Variants in ARHGAP5 observed in about 807,000 individuals in gnomAD.
The protein encoded by ARHGAP5 is Rho GTPase activating protein 5, also known as rho GTPase-activating protein 5.
A neutral mutation model predicts 116.6 loss-of-function variants in ARHGAP5; 23 were observed. The ratio of observed to expected loss-of-function variants is 0.20; its 90% CI spans 0.14 to 0.28. The LOEUF is 0.28. ARHGAP5 is among the 10% of genes least tolerant of loss of function. The pLI is 1.00. For missense variants in ARHGAP5, 1,405 were observed against 1,774.8 expected, an observed-to-expected ratio of 0.79 and a Z score of 3.74; for synonymous variants, 574 against 602.0, an observed-to-expected ratio of 0.95 and a Z score of 0.68.
chr14:32,115,062 T>C (rs537308312), intron 2 of ARHGAP5, among the ~76,000 whole-genome samples: 3 of 152,324 alleles, frequency 2.0e-5, no homozygotes, highest in African/African-American at 7.2e-5. Context: ...AGTGGCCTAA[T>C]ATCCTCTGAA....
chr14:32,084,203 C>T (rs1384265504), intron 1 of ARHGAP5, among the ~76,000 whole-genome samples: 1 of 152,022 alleles, frequency 6.6e-6, no homozygotes, highest in Non-Finnish European at 1.5e-5. Context: ...TTTTTTCAAA[C>T]AAATTGAAAT....
intron 6 of ARHGAP5, among the ~76,000 whole-genome samples, chr14:32,153,042 GTTTTTT>G (rs1240719852): frequency 2.3e-5 from 2 of 86,946 alleles, no homozygotes; most frequent in Non-Finnish European, 5.0e-5. Context: ...GAACTGTATG[GTTTTTT>G]TTGTTTTTTT....
intron 1 of ARHGAP5, among the ~76,000 whole-genome samples, chr14:32,089,421 T>G (rs577010447): frequency 1.3e-5 from 2 of 151,848 alleles, no homozygotes; most frequent in Non-Finnish European, 2.9e-5. Flanking sequence ...TCCTATCTTA[T>G]GAAATTTGGA....
chr14:32,127,516 C>T (rs540820335), intron 3 of ARHGAP5, among the ~76,000 whole-genome samples: 1 of 152,200 alleles, frequency 6.6e-6, no homozygotes, highest in Non-Finnish European at 1.5e-5. Context: ...AACAGCATCC[C>T]AAGGCAGAAG....
At chr14:32,146,226 T>C in intron 3 of ARHGAP5, 37 bp from the exon 4 acceptor site, 1 of 1,439,828 alleles carries the variant, frequency 6.9e-7, no homozygotes, top group Non-Finnish European at 9.8e-7. Context: ...GATATATATG[T>C]GTTTATTAAA....
At chr14:32,149,816 A>T in intron 4 of ARHGAP5, 86 bp from the exon 5 acceptor site, 1 of 772,174 alleles carries the variant, frequency 1.3e-6, no homozygotes, top group Non-Finnish European at 1.8e-6. Context: ...ACTTAAAGTT[A>T]TCTTTTGATC....
intron 4 of ARHGAP5, among the ~76,000 whole-genome samples, chr14:32,147,098 C>T (rs1881412717): frequency 1.3e-5 from 2 of 152,056 alleles, no homozygotes; most frequent in African/African-American, 4.8e-5. Context: ...GTAAAAAAAG[C>T]CGAATTTTCT....
intron 6 of ARHGAP5, 71 bp downstream of exon 6, chr14:32,152,599 A>T (rs1160873979): frequency 1.2e-6 from 1 of 814,112 alleles, no homozygotes; most frequent in East Asian, 2.9e-5. Context: ...AAATTTTATA[A>T]ATTGGATAAT....
chr14:32,130,935 A>C (rs972131387), intron 3 of ARHGAP5, among the ~76,000 whole-genome samples: 3 of 152,168 alleles, frequency 2.0e-5, no homozygotes, highest in Non-Finnish European at 2.9e-5. Context: ...CACCGAGTAA[A>C]CTTTTTACCA....
chr14:32,085,864 A>G (rs977980183), intron 1 of ARHGAP5, among the ~76,000 whole-genome samples: 3 of 152,220 alleles, frequency 2.0e-5, no homozygotes, highest in Non-Finnish European at 2.9e-5. Context: ...TTAAGATGTC[A>G]TAAAATTAGA....
At chr14:32,078,908 T>C (rs2041743376) in intron 1 of ARHGAP5, among the ~76,000 whole-genome samples, 1 of 152,258 alleles carries the variant, frequency 6.6e-6, no homozygotes, top group Non-Finnish European at 1.5e-5. Context: ...TAAGTATTAC[T>C]AACCGTCTAG....
Position 32,090,828 on chromosome 14 carries a change from T to C in ARHGAP5, c.159T>C (p.His53=), listed in dbSNP as rs201062895. The C allele has an allele frequency of 7.8e-5, 126 of 1,613,674 alleles. 1 individual carries two copies. In the East Asian group the frequency reaches 1.7e-3, roughly 22 times the overall value. The part of the protein sequence containing the change: ...RSKADEYYPE[H]TSVLSTIDFG... ...AAGCAGATGAATATTATCCAGAGCATACTTCTGTGCTTAGCACCATTGACT... is the reference window on the plus strand; with the variant it reads ...AAGCAGATGAATATTATCCAGAGCACACTTCTGTGCTTAGCACCATTGACT... Residue 53 remains histidine, a synonymous_variant, in exon 2 of 7, where the codon CAT becomes CAC. Transcript: ENST00000345122.
chr14:32,142,146 A>G (rs1467761644), intron 3 of ARHGAP5, among the ~76,000 whole-genome samples: 1 of 152,124 alleles, frequency 6.6e-6, no homozygotes, highest in African/African-American at 2.4e-5. Flanking sequence ...TTGAGTCATC[A>G]TTCTCCTGGT....
In ARHGAP5 at chr14:32,093,385, C is replaced by T. The variant is rs368445681; in HGVS notation, c.2716C>T (p.His906Tyr). 11 of 1,613,888 alleles carry T rather than the reference C, an allele frequency of 6.8e-6. No individual in the cohort carries two copies. The African/African-American group carries it at 1.2e-4, about 18-fold the overall frequency. ...CAAAGAGTTAATGACTGAAGGAGAA[C>T]ACATTGCAACTGAGATCACTGCTAA... ...AIKELMTEGE[H>Y]IATEITAKFT... The change falls in exon 2 of 7, where the codon CAC becomes TAC. Residue 906 changes from histidine to tyrosine, a missense_variant. Around this residue, in one of 6 missense-constraint regions of ARHGAP5, gnomAD observed 944 missense variants for 1,095.3 expected, o/e 0.86. Transcript: ENST00000345122.
intron 3 of ARHGAP5, among the ~76,000 whole-genome samples, chr14:32,130,520 CCTGG>C (rs1274020821): frequency 6.7e-6 from 1 of 149,826 alleles, no homozygotes; most frequent in Non-Finnish European, 1.5e-5. Context: ...CCATGCCCAA[CCTGG>C]CATTGATTGA....
intron 3 of ARHGAP5, among the ~76,000 whole-genome samples, chr14:32,135,062 T>A (rs561789662): frequency 1.3e-5 from 2 of 152,330 alleles, no homozygotes; most frequent in South Asian, 4.1e-4. Context: ...CAGCATTGTT[T>A]GTCTTAACAT....
At chr14:32,096,343 G>A (rs1878527220) in intron 2 of ARHGAP5, among the ~76,000 whole-genome samples, 1 of 152,116 alleles carries the variant, frequency 6.6e-6, no homozygotes, top group Non-Finnish European at 1.5e-5. Flanking sequence ...GGCAGATTTA[G>A]GCATTCAGTT....
intron 5 of ARHGAP5, among the ~76,000 whole-genome samples, chr14:32,151,724 A>G (rs1881646178): frequency 6.6e-6 from 1 of 152,258 alleles, no homozygotes; most frequent in African/African-American, 2.4e-5. Context: ...GTTACTCTGT[A>G]GCATAAATGT....
intron 5 of ARHGAP5, 29 bp from the exon 6 acceptor site, chr14:32,152,394 A>T (rs367615570): frequency 4.1e-5 from 58 of 1,423,366 alleles, no homozygotes; most frequent in Non-Finnish European, 9.8e-6. Context: ...TAAGTTTTAC[A>T]CAGATTCTTC....
Sources: gnomAD v4.1 joint callset for allele counts (sites outside exome capture counted in the v4.1 genomes callset) on GRCh38, gnomAD v4.1.1 for gene constraint, gnomAD v4.1.1 regional missense constraint, MANE v1.5 for transcripts, NCBI Gene and HGNC (gene_info 2026-07-23, HGNC 2026-07-21) for gene names.